MGAT5B: variants seen among roughly 807,000 people sequenced by gnomAD.
MGAT5B encodes alpha-1,6-mannosylglycoprotein 6-beta-N-acetylglucosaminyltransferase B.
Under a neutral mutation model 95.1 loss-of-function variants are expected in MGAT5B, and 54 were observed. The ratio of observed to expected loss-of-function variants is 0.57; its 90% confidence interval spans 0.46 to 0.71. The LOEUF (loss-of-function observed/expected upper bound fraction) is 0.71, where lower values mean the gene tolerates loss of function less well. MGAT5B is among the 30% of genes least tolerant of loss of function. The probability of loss-of-function intolerance (pLI) is 0.00; values close to 1 mark genes in which losing one functional copy is unlikely to be tolerated. For missense variants in MGAT5B, 935 were observed against 1,088.6 expected, an observed-to-expected ratio of 0.86 and a Z score of 1.99; for synonymous variants, 464 against 451.0, an observed-to-expected ratio of 1.03 and a Z score of -0.36.
At chr17:76,907,208 G>A (rs184854068) in intron 8 of MGAT5B, among the ~76,000 whole-genome samples, 4 of 152,102 alleles carry the variant, frequency 2.6e-5, no homozygotes, top group Non-Finnish European at 5.9e-5. Context: ...ACGCCGCCAC[G>A]CCAGGCTAAT....
chr17:76,902,564 T>A lies in MGAT5B; in HGVS notation c.339T>A (p.Pro113=). ...GGCTTTTCCCACTTAGGATGCCCCCTGGGGCCGGCCTCATGGAGCGGATCC... is the reference window on the plus strand; with the variant it reads ...GGCTTTTCCCACTTAGGATGCCCCCAGGGGCCGGCCTCATGGAGCGGATCC... ...DLHFPADRMP[P]GAGLMERIQA... is the part of the protein sequence containing the mutation. The change falls in exon 4 of 18, where the codon CCT becomes CCA. Residue 113 remains proline (P), a synonymous_variant. Transcript: ENST00000569840. 6.3e-7 allele frequency: 1 copy of A among 1,591,378 alleles called. No individual in the cohort carries two copies. The highest frequency in any genetic ancestry group is 8.6e-7 in the Non-Finnish European group (1 of 1,168,018).
Position 76,946,448 on chromosome 17 carries a change from C to A in MGAT5B, c.1921C>A (p.Gln641Lys), listed in dbSNP as rs1181963627. 1 of 1,587,142 alleles carries A rather than the reference C, an allele frequency of 6.3e-7. No individual in the cohort carries two copies. The highest frequency in any genetic ancestry group is 8.6e-7 in the Non-Finnish European group (1 of 1,166,198). Residue 641 changes from glutamine (Q) to lysine (K), a missense_variant and splice_region_variant, in exon 16 of 18, where the codon CAG (glutamine) becomes AAG (lysine). This residue lies in a region of MGAT5B where 440 missense variants were observed against 523.6 expected (regional missense o/e 0.84). Coordinates refer to ENST00000569840, the MANE Select transcript of MGAT5B (RefSeq NM_001199172.2). ...GCGGATCCACGCCTACATCCAGCACCAGGTCAGTGAGCCCTCTGGTCCCTG... is the reference window on the plus strand; with the variant it reads ...GCGGATCCACGCCTACATCCAGCACAAGGTCAGTGAGCCCTCTGGTCCCTG... ...LERIHAYIQHQDFCRAPDPAL... is the reference protein window; with the variant it reads ...LERIHAYIQHKDFCRAPDPAL...
chr17:76,946,329 C>G, intron 15 of MGAT5B, 47 bp from the exon 16 acceptor site: 1 of 1,529,022 alleles, frequency 6.5e-7, no homozygotes, highest in Non-Finnish European at 9.0e-7. Context: ...GGGCCCCCGA[C>G]GGCTGGGCCT....
At chr17:76,943,441 AC>A (rs1969928181) in intron 15 of MGAT5B, among the ~76,000 whole-genome samples, 1 of 151,584 alleles carries the variant, frequency 6.6e-6, no homozygotes, top group African/African-American at 2.4e-5. Context: ...CCCAAGAGTC[AC>A]CCGGGGGGAG....
Position 76,940,441 on chromosome 17 carries a change from C to T in MGAT5B, c.1624C>T (p.Pro542Ser). 1 of 1,613,530 alleles carries T rather than the reference C, an allele frequency of 6.2e-7. No homozygotes were observed. The highest frequency in any genetic ancestry group is 8.5e-7 in the Non-Finnish European group (1 of 1,179,686). ...GFGFPYEGPA[P>S]LEAIANGCIF... ...TGGCTTCCCCTACGAGGGCCCCGCC[C>T]CCCTGGAGGCCATCGCCAATGGTTG... The change falls in exon 14 of 18, where the codon CCC becomes TCC. Residue 542 changes from proline (P) to serine (S), a missense_variant. Pro to Ser is a moderately conservative substitution (Grantham distance 74). Coordinates refer to ENST00000569840, the MANE Select transcript of MGAT5B (RefSeq NM_001199172.2). The surrounding 1 kb of genome is among the most constrained non-coding windows in gnomAD (Gnocchi z 4.3).
intron 2 of MGAT5B, among the ~76,000 whole-genome samples, chr17:76,874,256 C>T (rs1031853242): frequency 2.0e-5 from 3 of 152,146 alleles, no homozygotes; most frequent in African/African-American, 7.2e-5. Context: ...GAAGGGGCCT[C>T]AGCAGCATCT....
At chr17:76,911,709 G>T (rs547059113) in intron 8 of MGAT5B, among the ~76,000 whole-genome samples, 70 of 152,348 alleles carry the variant, frequency 4.6e-4, no homozygotes, top group African/African-American at 1.4e-3. Context: ...TTCCCTGCTG[G>T]GGCCTCTCTG....
At chr17:76,931,525 A>G (rs556287849) in intron 10 of MGAT5B, among the ~76,000 whole-genome samples, 1 of 152,248 alleles carries the variant, frequency 6.6e-6, no homozygotes, top group Non-Finnish European at 1.5e-5. Flanking sequence ...TCACAGGCCC[A>G]TGAGCACAGT....
chr17:76,941,010 G>A (rs1969849946), intron 15 of MGAT5B, among the ~76,000 whole-genome samples, 162 bp downstream of exon 15: 1 of 152,214 alleles, frequency 6.6e-6, no homozygotes, highest in South Asian at 2.1e-4. Context: ...CTGAGCCAGG[G>A]CATGTGGATT....
At position 76,923,427 on chromosome 17, in the gene MGAT5B, C is replaced by T. The variant is rs113594989; in HGVS notation, c.1026-1539C>T. On this transcript the variant is annotated intron_variant, in intron 8 of 17. Coordinates refer to ENST00000569840, the MANE Select transcript of MGAT5B (RefSeq NM_001199172.2). ...TGAATCCTGGGGAGGTGGGCATCCC[C>T]GGGAGATGGGACCCGATGGCCTGGC... Among the ~76,000 whole-genome samples, 705 of 152,250 alleles carry T rather than the reference C, an allele frequency of 4.6e-3. 2 individuals are homozygous for T. The highest frequency in any genetic ancestry group is 0.02 in the Middle Eastern group (6 of 294).
chr17:76,921,566 C>T (rs1969125171), intron 8 of MGAT5B, among the ~76,000 whole-genome samples: 1 of 152,076 alleles, frequency 6.6e-6, no homozygotes, highest in Non-Finnish European at 1.5e-5. Context: ...CGGGGGTCCA[C>T]CTTCCACCCA....
intron 1 of MGAT5B, among the ~76,000 whole-genome samples, chr17:76,871,340 C>T (rs977578580): frequency 1.3e-5 from 2 of 152,174 alleles, no homozygotes; most frequent in Non-Finnish European, 2.9e-5. Context: ...GTGAGGCGTC[C>T]CTCTGCGCTA....
chr17:76,875,796 C>A (rs1967168429), intron 2 of MGAT5B, among the ~76,000 whole-genome samples: 1 of 150,362 alleles, frequency 6.7e-6, no homozygotes, highest in Non-Finnish European at 1.5e-5. Flanking sequence ...ATGAATATTT[C>A]AGTGCACGTC....
chr17:76,897,664 T>TCTTTCTTTCTTTCTTC (rs1567800096), intron 3 of MGAT5B, among the ~76,000 whole-genome samples: 2 of 48,418 alleles, frequency 4.1e-5, no homozygotes, highest in East Asian at 8.6e-4. Flanking sequence ...AAGGCCACTT[T>TCTTTCTTTCTTTCTTC]CTTTCTTTCT....
At position 76,938,824 on chromosome 17, in the gene MGAT5B, A is replaced by G. The variant is rs1018461008; in HGVS notation, c.1584+681A>G. On this transcript the variant is annotated intron_variant, in intron 13 of 17. Transcript: ENST00000569840. The surrounding 1 kb of genome is among the most constrained non-coding windows in gnomAD (Gnocchi z 4.3). ...CTCCCGAGTAGCTGGGACTATTGGC[A>G]TACACCACCACACCTGGCTAATTTT... Among the ~76,000 whole-genome samples the G allele has an allele frequency of 1.3e-5, 2 of 152,070 alleles. No homozygotes were observed. Among genetic ancestry groups the G allele is most frequent in the African/African-American group, 4.8e-5 (2 of 41,404 alleles).
At position 76,916,400 on chromosome 17, in the gene MGAT5B, G is replaced by T. The variant is rs1968940900; in HGVS notation, c.1026-8566G>T. ...TCCCAGCTCTGGCCTGGCCTGTGTTGGGGAGGGCTGCAAGGGAAGACTCAT... is the reference window on the plus strand; with the variant it reads ...TCCCAGCTCTGGCCTGGCCTGTGTTTGGGAGGGCTGCAAGGGAAGACTCAT... On this transcript the variant is annotated intron_variant, in intron 8 of 17. Transcript: ENST00000569840. This position sits in a 1 kb window ranked among gnomAD's most constrained non-coding sequence, Gnocchi z 5.3. Among the ~76,000 whole-genome samples the T allele has an allele frequency of 6.6e-6, 1 of 152,232 alleles. No homozygotes were observed. Among genetic ancestry groups the T allele is most frequent in the African/African-American group, 2.4e-5 (1 of 41,452 alleles).
At position 76,906,893 on chromosome 17, in the gene MGAT5B, A is replaced by G. The variant is rs975436809; in HGVS notation, c.1025+706A>G. 6.6e-6 allele frequency among the ~76,000 whole-genome samples: 1 copy of G among 152,096 alleles called. No homozygotes were observed. The highest frequency in any genetic ancestry group is 2.4e-5 in the African/African-American group (1 of 41,396). ...GATGCATACAAAGTCTATGTAAAGT[A>G]TGTTGTGAAACACAACAGTCAAATC... On this transcript the variant is annotated intron_variant, in intron 8 of 17. Transcript: ENST00000569840. The surrounding 1 kb of genome is among the most constrained non-coding windows in gnomAD (Gnocchi z 4.6).
rs1249578318 is a variant in MGAT5B at position 76,917,601 on chromosome 17, C to T, written c.1026-7365C>T. ...CGTGGAGCCAGCGGCCCTCAATATCCGAATCCAGGATGCAGGGGCTGCGTC... is the reference window on the plus strand; with the variant it reads ...CGTGGAGCCAGCGGCCCTCAATATCTGAATCCAGGATGCAGGGGCTGCGTC... On this transcript the variant is annotated intron_variant, in intron 8 of 17. Coordinates refer to ENST00000569840, the MANE Select transcript of MGAT5B (RefSeq NM_001199172.2). The surrounding 1 kb of genome is among the most constrained non-coding windows in gnomAD (Gnocchi z 6.1). Among the ~76,000 whole-genome samples the T allele has an allele frequency of 2.6e-5, 4 of 152,112 alleles. No homozygotes were observed. The East Asian group carries it at 5.8e-4, about 22-fold the overall frequency.
chr17:76,923,084 A>G (rs137961680), intron 8 of MGAT5B, among the ~76,000 whole-genome samples: 144 of 152,320 alleles, frequency 9.5e-4, no homozygotes, highest in African/African-American at 3.2e-3. Context: ...GACCAGAAAC[A>G]TCATCGACAC....
Sources: gnomAD v4.1 joint callset for allele counts (sites outside exome capture counted in the v4.1 genomes callset) on GRCh38, gnomAD v4.1.1 for gene constraint, gnomAD v4.1.1 regional missense constraint, Gnocchi (gnomAD v3.1) non-coding constraint, MANE v1.5 for transcripts, NCBI Gene and HGNC (gene_info 2026-07-23, HGNC 2026-07-21) for gene names.